The following PKHD1 variants were observed in gnomAD, a reference collection of about 807,000 sequenced individuals.
The protein encoded by PKHD1 is fibrocystin.
Under a neutral mutation model 412.0 loss-of-function variants are expected in PKHD1, and 291 were observed. The observed-to-expected ratio is 0.71, with a 90% CI of 0.64 to 0.78. The LOEUF is 0.78. Among genes scored for constraint, PKHD1 ranks in the 30% least tolerant of loss-of-function variants. The pLI is 0.00. For synonymous variants in PKHD1, 1,777 were observed against 1,821.5 expected (o/e 0.98, Z 0.62); for missense variants, 4,825 against 4,950.7 (o/e 0.97, Z 0.76).
intron 35 of PKHD1, among the ~76,000 whole-genome samples, chr6:51,991,339 C>T (rs924941386): frequency 2.0e-4 from 30 of 152,082 alleles, no homozygotes; most frequent in Non-Finnish European, 1.5e-4. Flanking sequence ...TAATACAAAC[C>T]CTAGATGCCT....
At position 51,753,195 on chromosome 6, in the gene PKHD1, A is replaced by T; in HGVS notation, c.8950+6T>A. On this transcript the variant is annotated splice_donor_region_variant and intron_variant, in intron 57 of 66. Transcript: ENST00000371117. ...GTAATGGCCAATTACTTAAAATTTC[A>T]TTTACCTGAAAATTCTTCTCGGCTG... 6.2e-7 allele frequency: 1 copy of T among 1,613,254 alleles called. No individual in the cohort carries two copies. Among genetic ancestry groups the T allele is most frequent in the Non-Finnish European group, 8.5e-7 (1 of 1,179,324 alleles).
chr6:51,672,983 A>G (rs1003759050), intron 60 of PKHD1, among the ~76,000 whole-genome samples: 9 of 152,242 alleles, frequency 5.9e-5, no homozygotes, highest in African/African-American at 2.2e-4. Context: ...AAATACTAAC[A>G]GCAATGGCTA....
rs1017286467 is a variant in PKHD1, at chr6:51,818,840, A to G, written c.8302+12021T>C. 5.3e-5 allele frequency among the ~76,000 whole-genome samples: 8 copies of G among 152,300 alleles called. No homozygotes were observed. In the South Asian group the frequency reaches 8.3e-4, roughly 16 times the overall value. ...GCTCCAGCACATTGATGGACCACCG[A>G]GTGACTTTGGAAATAGAAAAAACAC... On this transcript the variant is annotated intron_variant, in intron 52 of 66. Transcript: ENST00000371117.
At chr6:51,811,765 T>C (rs1456600980) in intron 52 of PKHD1, among the ~76,000 whole-genome samples, 2 of 152,162 alleles carry the variant, frequency 1.3e-5, no homozygotes, top group Non-Finnish European at 1.5e-5. Context: ...TAATTAATAT[T>C]TTTAAAGTTA....
chr6:51,694,378 T>G (rs1420327189), intron 60 of PKHD1, among the ~76,000 whole-genome samples: 1 of 151,918 alleles, frequency 6.6e-6, no homozygotes, highest in Non-Finnish European at 1.5e-5. Context: ...ATTAATTCAT[T>G]AAATTTATTT....
At chr6:51,730,736 T>C (rs532034480) in intron 60 of PKHD1, among the ~76,000 whole-genome samples, 1 of 152,226 alleles carries the variant, frequency 6.6e-6, no homozygotes, top group Non-Finnish European at 1.5e-5. Context: ...TGGTTTGGTA[T>C]CTATTGGCAA....
intron 60 of PKHD1, among the ~76,000 whole-genome samples, chr6:51,716,685 G>T (rs539757964): frequency 6.6e-6 from 1 of 152,148 alleles, no homozygotes; most frequent in African/African-American, 2.4e-5. Context: ...TGGACTCAGG[G>T]ATTGGTCCTG....
intron 61 of PKHD1, among the ~76,000 whole-genome samples, chr6:51,653,024 A>G (rs951770968): frequency 8.5e-5 from 13 of 152,144 alleles, no homozygotes; most frequent in Admixed American, 8.5e-4. Flanking sequence ...ATTCTAAATT[A>G]AATATATTAT....
At chr6:51,720,517 T>G (rs1438753019) in intron 60 of PKHD1, among the ~76,000 whole-genome samples, 1 of 152,150 alleles carries the variant, frequency 6.6e-6, no homozygotes, top group Admixed American at 6.6e-5. Flanking sequence ...GGAAAGCGTT[T>G]CCCTCCATGC....
At chr6:51,702,206 A>AAT (rs755915346) in intron 60 of PKHD1, among the ~76,000 whole-genome samples, 284 of 147,120 alleles carry the variant, frequency 1.9e-3, no homozygotes, top group Middle Eastern at 3.6e-3. Context: ...TTATACGTAT[A>AAT]ATATATAATA....
At chr6:51,811,293 G>A (rs1195399174) in intron 52 of PKHD1, among the ~76,000 whole-genome samples, 1 of 151,994 alleles carries the variant, frequency 6.6e-6, no homozygotes, top group Non-Finnish European at 1.5e-5. Flanking sequence ...GAACAATGAG[G>A]CATAAATATT....
chr6:51,904,139 ATTTTGT>A, intron 41 of PKHD1, 97 bp from the exon 42 acceptor site: 1 of 839,286 alleles, frequency 1.2e-6, no homozygotes, highest in Non-Finnish European at 2.1e-6. Flanking sequence ...GGTTGTTTTG[ATTTTGT>A]TTTTGTGTTT....
intron 55 of PKHD1, among the ~76,000 whole-genome samples, chr6:51,770,245 T>C (rs1324345777): frequency 1.3e-5 from 2 of 151,886 alleles, no homozygotes; most frequent in Non-Finnish European, 2.9e-5. Context: ...CTATATTGTA[T>C]TATCTGCTGT....
intron 53 of PKHD1, among the ~76,000 whole-genome samples, chr6:51,780,824 C>A (rs1356641151): frequency 1.3e-5 from 2 of 152,046 alleles, no homozygotes; most frequent in Non-Finnish European, 2.9e-5. Flanking sequence ...GGGAAACTGG[C>A]CAAAATTTTA....
At chr6:51,792,668 C>G (rs1286295878) in intron 52 of PKHD1, among the ~76,000 whole-genome samples, 1 of 152,212 alleles carries the variant, frequency 6.6e-6, no homozygotes, top group Non-Finnish European at 1.5e-5. Flanking sequence ...TAGGCCTGTT[C>G]CATAAATTCT....
chr6:51,668,554 T>C lies in PKHD1; in HGVS notation c.10157-8585A>G, dbSNP rs558063022. On this transcript the variant is annotated intron_variant, in intron 60 of 66. Coordinates refer to ENST00000371117, the MANE Select transcript of PKHD1 (RefSeq NM_138694.4). ...CCCTTTATTTCCTTCTCCTGCCTGA[T>C]TGCCCTGGCCAGAACTTCCAACACT... Among the ~76,000 whole-genome samples, 6 of 152,172 alleles carry C rather than the reference T, an allele frequency of 3.9e-5. No homozygotes were observed. The East Asian group carries it at 7.7e-4, about 20-fold the overall frequency.
At chr6:51,700,739 A>G (rs1035572711) in intron 60 of PKHD1, among the ~76,000 whole-genome samples, 2 of 152,090 alleles carry the variant, frequency 1.3e-5, no homozygotes, top group African/African-American at 4.8e-5. Context: ...AATGCAGCCC[A>G]TTACCTGAAA....
intron 53 of PKHD1, among the ~76,000 whole-genome samples, chr6:51,790,785 A>G (rs1264758781): frequency 6.6e-6 from 1 of 152,184 alleles, no homozygotes; most frequent in Non-Finnish European, 1.5e-5. Context: ...AAGTGCTAGC[A>G]CATAGCTTTG....
At chr6:51,736,326 T>C (rs2397058) in intron 60 of PKHD1, among the ~76,000 whole-genome samples, 100,749 of 152,066 alleles carry the variant, frequency 0.66, 34,202 homozygotes, top group African/African-American at 0.8. Context: ...TGGACTACTT[T>C]GAAATGTAAT....
Sources: allele counts gnomAD v4.1 joint callset (sites outside exome capture counted in the v4.1 genomes callset), GRCh38; gene constraint gnomAD v4.1.1; transcripts MANE v1.5; gene names NCBI Gene and HGNC (gene_info 2026-07-23, HGNC 2026-07-21).